Variants in KIF6 observed in about 807,000 individuals in gnomAD.
The protein encoded by KIF6 is kinesin family member 6.
KIF6 carries 106 observed loss-of-function variants against 112.7 expected under a neutral mutation model. The ratio of observed to expected loss-of-function variants is 0.94; its 90% confidence interval spans 0.80 to 1.11. The LOEUF is 1.11. Ranked by LOEUF, KIF6 falls within the 50% of genes least tolerant of loss-of-function variation. The probability of loss-of-function intolerance (pLI) is 0.00; values close to 1 mark genes in which losing one functional copy is unlikely to be tolerated. For synonymous variants in KIF6, 339 were observed against 339.9 expected (o/e 1.00, Z 0.03); for missense variants, 929 against 964.0 (o/e 0.96, Z 0.48).
intron 13 of KIF6, among the ~76,000 whole-genome samples, chr6:39,537,176 C>T (rs1001784186): frequency 7.2e-5 from 11 of 152,288 alleles, no homozygotes; most frequent in African/African-American, 2.4e-4. Context: ...TGCCCTCTCT[C>T]ACCACTCCTA....
intron 13 of KIF6, among the ~76,000 whole-genome samples, chr6:39,538,055 C>A (rs544606228): frequency 1.8e-4 from 27 of 152,252 alleles, no homozygotes; most frequent in African/African-American, 6.3e-4. Flanking sequence ...ACACCTTATA[C>A]AAAAATTAAT....
At position 39,711,277 on chromosome 6, in the gene KIF6, T is replaced by TAA. The variant is rs34784345; in HGVS notation, c.251+3413_251+3414dup. ...AAAAATCCTAAAAACACCTGGAAAG[T>TAA]AAAAAAAAAAAAAAAAAAAAGTATG... is the stretch of plus-strand genomic sequence containing the variant. On this transcript the variant is annotated intron_variant, in intron 3 of 22. Coordinates refer to ENST00000287152, the MANE Select transcript of KIF6 (RefSeq NM_145027.6). Among the ~76,000 whole-genome samples the TAA allele has an allele frequency of 8.5e-4, 62 of 72,866 alleles. 1 individual carries two copies. The highest frequency in any genetic ancestry group is 3.2e-3 in the South Asian group (7 of 2,158). The allele number at this position is 72,866 out of a possible 152,430, so 47.8% of individuals were successfully genotyped here. A position where few individuals can be genotyped will look rare whatever the true frequency, so the allele number is the denominator to read the frequency against.
chr6:39,523,888 C>T (rs555402318), intron 13 of KIF6, among the ~76,000 whole-genome samples: 44 of 151,806 alleles, frequency 2.9e-4, no homozygotes, highest in African/African-American at 1.0e-3. Flanking sequence ...TAAACTCCAA[C>T]ACCTTGTACA....
chr6:39,623,441 T>G (rs939694664), intron 5 of KIF6, among the ~76,000 whole-genome samples: 5 of 152,216 alleles, frequency 3.3e-5, no homozygotes, highest in Admixed American at 6.5e-5. Context: ...TATTTTCAAG[T>G]CTTCTTTTAC....
chr6:39,521,159 T>A (rs1777377708), intron 13 of KIF6, among the ~76,000 whole-genome samples: 1 of 152,170 alleles, frequency 6.6e-6, no homozygotes, highest in African/African-American at 2.4e-5. Flanking sequence ...TTATTGTCTC[T>A]CATCACAGGA....
At chr6:39,639,091 G>A (rs1191770015) in intron 4 of KIF6, among the ~76,000 whole-genome samples, 1 of 152,060 alleles carries the variant, frequency 6.6e-6, no homozygotes, top group Admixed American at 6.6e-5. Flanking sequence ...AACTGATAAA[G>A]CTACTGGCAT....
chr6:39,578,013 C>T (rs957018252), intron 10 of KIF6, 43 bp downstream of exon 10: 29 of 1,327,482 alleles, frequency 2.2e-5, no homozygotes, highest in Non-Finnish European at 3.1e-5. Context: ...TTAACACAAA[C>T]TTTCACTGTT....
intron 15 of KIF6, among the ~76,000 whole-genome samples, chr6:39,411,981 C>A (rs1295576013): frequency 6.6e-6 from 1 of 152,206 alleles, no homozygotes; most frequent in Non-Finnish European, 1.5e-5. Context: ...CATGGGTCAG[C>A]ATTCCTCTGT....
At chr6:39,438,924 A>G (rs1221886679) in intron 13 of KIF6, among the ~76,000 whole-genome samples, 1 of 152,212 alleles carries the variant, frequency 6.6e-6, no homozygotes, top group African/African-American at 2.4e-5. Context: ...ATAGACACAC[A>G]AATGCTTACC....
chr6:39,362,553 A>G lies in KIF6; in HGVS notation c.1862-35T>C, dbSNP rs1765244912. ...GAAGGTGCCAATGGGATGGTGAGAA[A>G]GAAGGGTAAAAGGAAGAGTGTGATA... On this transcript the variant is annotated intron_variant, in intron 16 of 22. Transcript: ENST00000287152. 3 of 1,445,954 alleles carry G rather than the reference A, an allele frequency of 2.1e-6. No individual in the cohort carries two copies. The East Asian group carries it at 6.8e-5, about 33-fold the overall frequency. The allele number at this position is 1,445,954 out of a possible 1,614,324, so 89.6% of individuals were successfully genotyped here.
chr6:39,389,049 C>A (rs566648186), intron 15 of KIF6, among the ~76,000 whole-genome samples: 53 of 152,182 alleles, frequency 3.5e-4, no homozygotes, highest in Non-Finnish European at 7.5e-4. Flanking sequence ...GAGCTTACAG[C>A]AATCCACGGG....
chr6:39,613,181 T>A lies in KIF6; in HGVS notation c.639+8A>T, dbSNP rs145078743. On this transcript the variant is annotated splice_region_variant and intron_variant, in intron 6 of 22. Transcript: ENST00000287152. ...TGAAGAAACAGCTTGCAGAGAGAAG[T>A]TTATTACCTCTGCAATCATTCGGTT... 0.011 allele frequency: 17,532 copies of A among 1,577,590 alleles called. 151 individuals are homozygous for A. The highest frequency in any genetic ancestry group is 0.012 in the Middle Eastern group (71 of 5,882).
intron 13 of KIF6, among the ~76,000 whole-genome samples, chr6:39,539,019 A>T (rs1339945291): frequency 1.4e-5 from 2 of 142,384 alleles, no homozygotes; most frequent in Non-Finnish European, 3.0e-5. Context: ...TTGAACAATG[A>T]GAACACATCG....
In KIF6 at chr6:39,682,375, T is replaced by C. The variant is rs189026682; in HGVS notation, c.251+32317A>G. On this transcript the variant is annotated intron_variant, in intron 3 of 22. Transcript: ENST00000287152. ...CAGGATGTTACTGTACTGAATACAG[T>C]AGGCAACTGTAACACAGTACTAAGC... is the stretch of plus-strand genomic sequence containing the variant. Among the ~76,000 whole-genome samples the C allele has an allele frequency of 5.7e-3, 865 of 152,282 alleles. 2 individuals carry two copies. The highest frequency in any genetic ancestry group is 8.7e-3 in the Non-Finnish European group (592 of 68,022).
chr6:39,543,512 C>T (rs1778907574), intron 12 of KIF6, among the ~76,000 whole-genome samples: 1 of 152,168 alleles, frequency 6.6e-6, no homozygotes, highest in South Asian at 2.1e-4. Context: ...AACATGTCTA[C>T]CTCCCATTTG....
At chr6:39,404,286 A>T (rs1014419990) in intron 15 of KIF6, among the ~76,000 whole-genome samples, 2 of 152,166 alleles carry the variant, frequency 1.3e-5, no homozygotes, top group Non-Finnish European at 2.9e-5. Flanking sequence ...TTCTTCTAAA[A>T]TTTTATAGTT....
intron 11 of KIF6, 110 bp from the exon 12 acceptor site, chr6:39,544,803 T>C (rs1404206989): frequency 3.6e-6 from 2 of 562,928 alleles, no homozygotes; most frequent in Non-Finnish European, 5.9e-6. Flanking sequence ...ATGTGTGACC[T>C]GTCTGATGCA....
chr6:39,601,707 T>C (rs543384346), intron 6 of KIF6, among the ~76,000 whole-genome samples: 98 of 81,286 alleles, frequency 1.2e-3, no homozygotes, highest in African/African-American at 4.4e-3. Flanking sequence ...TGGAATTTCT[T>C]TGGGACACAC....
chr6:39,566,859 T>C (rs950980839), intron 10 of KIF6, among the ~76,000 whole-genome samples: 2 of 152,244 alleles, frequency 1.3e-5, no homozygotes, highest in African/African-American at 2.4e-5. Flanking sequence ...ATTGTTTTTC[T>C]GTCACTTGGA....
Sources: gnomAD v4.1 joint callset for allele counts (sites outside exome capture counted in the v4.1 genomes callset) on GRCh38, gnomAD v4.1.1 for gene constraint, MANE v1.5 for transcripts, NCBI Gene and HGNC (gene_info 2026-07-23, HGNC 2026-07-21) for gene names.